The following GDF3 variants were observed in gnomAD, a reference collection of about 807,000 sequenced individuals.
GDF3 encodes the protein growth differentiation factor 3.
Under a neutral mutation model 10.2 loss-of-function variants are expected in GDF3, and 10 were observed. That is an observed-to-expected ratio of 0.98 (90% CI 0.60 to 1.66). The LOEUF (loss-of-function observed/expected upper bound fraction) is 1.66. Ranked by LOEUF, GDF3 falls within the 40% of genes most tolerant of loss-of-function variation. The pLI is 0.00. For missense variants in GDF3, 450 were observed against 438.3 expected, an observed-to-expected ratio of 1.03 and a Z score of -0.24; for synonymous variants, 166 against 178.5, an observed-to-expected ratio of 0.93 and a Z score of 0.56.
chr12:7,690,740 A>G lies in GDF3; in HGVS notation c.269-36T>C, dbSNP rs1592072689. 5.1e-6 allele frequency: 6 copies of G among 1,182,736 alleles called. No individual in the cohort carries two copies. The East Asian group carries it at 1.4e-4, about 28-fold the overall frequency. 73.3% of individuals were successfully genotyped at this position (1,182,736 alleles called of 1,614,324 possible). A position where few individuals can be genotyped will look rare whatever the true frequency, so the allele number is the denominator to read the frequency against. ...AAAGAGACATGTCAGAGTCATAATG[A>G]TGTATTTACTTCATATCCACCTATA... On this transcript the variant is annotated intron_variant, in intron 1 of 1. Coordinates refer to ENST00000329913, the MANE Select transcript of GDF3 (RefSeq NM_020634.3).
At position 7,694,569 on chromosome 12, in the gene GDF3, CAAAAAAAAAAA is replaced by C. The variant is rs57221382; in HGVS notation, c.268+881_268+891del. ...AGCCTGGGGGACAGAGCGAGACTCTCAAAAAAAAAAAAAAAAAAAAAAGGCAAACTTTATCT... is the reference window on the plus strand; with the variant it reads ...AGCCTGGGGGACAGAGCGAGACTCTCAAAAAAAAAAAGGCAAACTTTATCT... On this transcript the variant is annotated intron_variant, in intron 1 of 1. Coordinates refer to ENST00000329913, the MANE Select transcript of GDF3 (RefSeq NM_020634.3). Among the ~76,000 whole-genome samples the C allele has an allele frequency of 6.2e-5, 5 of 80,144 alleles. No homozygotes were observed. The Admixed American group carries it at 8.7e-4, about 14-fold the overall frequency. The allele number at this position is 80,144 out of a possible 152,430, so 52.6% of individuals were successfully genotyped here. A position where few individuals can be genotyped will look rare whatever the true frequency, so the allele number is the denominator to read the frequency against.
chr12:7,694,569 CAAAAAAAAAA>C (rs57221382), intron 1 of GDF3, among the ~76,000 whole-genome samples: 29 of 80,170 alleles, frequency 3.6e-4, no homozygotes, highest in Non-Finnish European at 1.3e-4. Flanking sequence ...GCGAGACTCT[CAAAAAAAAAA>C]AAAAAAAAAA....
At chr12:7,693,462 G>A (rs1185681422) in intron 1 of GDF3, among the ~76,000 whole-genome samples, 2 of 147,734 alleles carry the variant, frequency 1.4e-5, no homozygotes, top group South Asian at 2.2e-4. Context: ...GGCTGGTCTC[G>A]AACTCCTGGC....
Position 7,689,965 on chromosome 12 carries a change from G to A in GDF3, c.1008C>T (p.Pro336=). 2 of 1,613,820 alleles carry A rather than the reference G, an allele frequency of 1.2e-6. No homozygotes were observed. The highest frequency in any genetic ancestry group is 1.7e-6 in the Non-Finnish European group (2 of 1,179,738). ...TATTGTCCTGGTAGAGCATGGAAAT[G>A]GGAGACAGCTTGGTGGGGATACACA... is the stretch of plus-strand genomic sequence containing the variant. ...QAVCIPTKLS[P]ISMLYQDNND... Residue 336 remains proline (P), a synonymous_variant, in exon 2 of 2, where the codon CCC becomes CCT. Coordinates refer to ENST00000329913, the MANE Select transcript of GDF3 (RefSeq NM_020634.3).
chr12:7,692,819 T>C (rs1465548435), intron 1 of GDF3, among the ~76,000 whole-genome samples: 1 of 151,796 alleles, frequency 6.6e-6, no homozygotes, highest in East Asian at 2.0e-4. Context: ...TTTTTTTAAG[T>C]TTTTGTAGAG....
rs779286029 is a variant in GDF3, at chr12:7,694,505, C to T, written c.268+956G>A. ...AGAAGAATCACTTGAACCCAGGAAG[C>T]GGAGGTTGCAGTGAGCTGAGAAAGT... On this transcript the variant is annotated intron_variant, in intron 1 of 1. Transcript: ENST00000329913. 2.7e-3 allele frequency among the ~76,000 whole-genome samples: 363 copies of T among 132,616 alleles called. 2 individuals are homozygous for T. Among genetic ancestry groups the T allele is most frequent in the African/African-American group, 9.2e-3 (325 of 35,462 alleles). 87.0% of individuals were successfully genotyped at this position (132,616 alleles called of 152,430 possible). A position where few individuals can be genotyped will look rare whatever the true frequency, so the allele number is the denominator to read the frequency against.
Position 7,690,361 on chromosome 12 carries a change from T to C in GDF3, c.612A>G (p.Ile204Met), listed in dbSNP as rs1183339590. ...CTGAGTCTCTATCTTCTTTGACCAGTATCTCCAGGAATAACCCGAAATTTT... is the reference window on the plus strand; with the variant it reads ...CTGAGTCTCTATCTTCTTTGACCAGCATCTCCAGGAATAACCCGAAATTTT... ...PRKNFGLFLEILVKEDRDSGV... is the reference protein window; with the variant it reads ...PRKNFGLFLEMLVKEDRDSGV... The change falls in exon 2 of 2, where the codon ATA (isoleucine) becomes ATG (methionine). Residue 204 changes from isoleucine (I) to methionine (M), a missense_variant. By Grantham distance (10) the Ile-to-Met change is conservative. Transcript: ENST00000329913. The C allele has an allele frequency of 6.2e-7, 1 of 1,613,886 alleles. No individual in the cohort carries two copies. Among genetic ancestry groups the C allele is most frequent in the African/African-American group, 1.3e-5 (1 of 74,906 alleles).
chr12:7,695,514 T>A lies in GDF3; in HGVS notation c.215A>T (p.Tyr72Phe). The A allele has an allele frequency of 6.2e-7, 1 of 1,614,104 alleles. No homozygotes were observed. Among genetic ancestry groups the A allele is most frequent in the Non-Finnish European group, 8.5e-7 (1 of 1,179,972 alleles). The change falls in exon 1 of 2, where the codon TAC (tyrosine) becomes TTC (phenylalanine). Residue 72 changes from tyrosine (Y) to phenylalanine (F), a missense_variant. Transcript: ENST00000329913. ...CCCGCGGACGCCCAGCTCCTTTACG[T>A]AGCATAAGTCTCGGGAGACCCCAGT... ...ATTGVSRDLC[Y>F]VKELGVRGNV... is the part of the protein sequence containing the mutation.
chr12:7,690,116 T>C lies in GDF3; in HGVS notation c.857A>G (p.Lys286Arg). 5.0e-6 allele frequency: 8 copies of C among 1,614,104 alleles called. No individual in the cohort carries two copies. The highest frequency in any genetic ancestry group is 1.1e-5 in the South Asian group (1 of 91,076). ...ATGGCAGTAATTTGCCATGAACCCCTTGGGGGCAATGATCCACTTGTGCCA... is the reference window on the plus strand; with the variant it reads ...ATGGCAGTAATTTGCCATGAACCCCCTGGGGGCAATGATCCACTTGTGCCA... ...LGWHKWIIAPKGFMANYCHGE... is the reference protein window; with the variant it reads ...LGWHKWIIAPRGFMANYCHGE... Residue 286 changes from lysine (K) to arginine (R), a missense_variant, in exon 2 of 2, where the codon AAG (lysine) becomes AGG (arginine). Coordinates refer to ENST00000329913, the MANE Select transcript of GDF3 (RefSeq NM_020634.3).
At chr12:7,694,446 C>T (rs775453660) in intron 1 of GDF3, among the ~76,000 whole-genome samples, 6 of 150,302 alleles carry the variant, frequency 4.0e-5, no homozygotes, top group East Asian at 2.0e-4. Context: ...TGGTGACACA[C>T]GCCTGTAATC....
chr12:7,693,817 T>C (rs1864156406), intron 1 of GDF3, among the ~76,000 whole-genome samples: 1 of 151,860 alleles, frequency 6.6e-6, no homozygotes, highest in East Asian at 2.0e-4. Context: ...TGCGTGCACC[T>C]GTAGCCTGTA....
intron 1 of GDF3, among the ~76,000 whole-genome samples, chr12:7,694,496 C>T (rs1864162224): frequency 6.7e-6 from 1 of 150,342 alleles, no homozygotes; most frequent in South Asian, 2.1e-4. Context: ...ATCACTTGAA[C>T]CCAGGAAGCG....
In GDF3 at chr12:7,689,946, C is replaced by T. The variant is rs1259505995; in HGVS notation, c.1027G>A (p.Asp343Asn). The change falls in exon 2 of 2, where the codon GAC becomes AAC. Residue 343 changes from aspartate (D) to asparagine (N), a missense_variant. Coordinates refer to ENST00000329913, the MANE Select transcript of GDF3 (RefSeq NM_020634.3). ...KLSPISMLYQ[D>N]NNDNVILRHY... ...CGTAGAATGACATTGTCATTATTGTCCTGGTAGAGCATGGAAATGGGAGAC... is the reference window on the plus strand; with the variant it reads ...CGTAGAATGACATTGTCATTATTGTTCTGGTAGAGCATGGAAATGGGAGAC... 3.1e-6 allele frequency: 5 copies of T among 1,613,928 alleles called. No homozygotes were observed. Among genetic ancestry groups the T allele is most frequent in the South Asian group, 2.2e-5 (2 of 91,070 alleles).
At chr12:7,692,109 T>C (rs931764673) in intron 1 of GDF3, among the ~76,000 whole-genome samples, 6 of 152,000 alleles carry the variant, frequency 3.9e-5, no homozygotes, top group African/African-American at 1.2e-4. Context: ...TATTTTACTT[T>C]AGGCACTTAA....
intron 1 of GDF3, among the ~76,000 whole-genome samples, chr12:7,694,569 C>CA (rs57221382): frequency 0.49 from 39,206 of 80,122 alleles, 8,806 homozygotes; most frequent in Middle Eastern, 0.57. Flanking sequence ...GCGAGACTCT[C>CA]AAAAAAAAAA....
chr12:7,693,371 A>ATTT (rs71038719), intron 1 of GDF3, among the ~76,000 whole-genome samples: 10,661 of 95,692 alleles, frequency 0.11, 698 homozygotes, highest in Non-Finnish European at 0.13. Context: ...CACCTGGCTA[A>ATTT]TTTTTTTTTT....
Position 7,695,756 on chromosome 12 carries a change from G to A in GDF3, c.-28C>T, listed in dbSNP as rs1184950000. On this transcript the variant is annotated 5_prime_UTR_variant, in exon 1 of 2. Coordinates refer to ENST00000329913, the MANE Select transcript of GDF3 (RefSeq NM_020634.3). ...CCTCTGGAGTGGCTGTCAGACCGGG[G>A]AGAGCTCCACTGCCAGACTGCCCAA... is the stretch of plus-strand genomic sequence containing the variant. 3 of 1,613,514 alleles carry A rather than the reference G, an allele frequency of 1.9e-6. No individual in the cohort carries two copies. The highest frequency in any genetic ancestry group is 1.1e-5 in the South Asian group (1 of 90,964).
At chr12:7,694,464 C>G (rs1123137) in intron 1 of GDF3, among the ~76,000 whole-genome samples, 127,706 of 151,318 alleles carry the variant, frequency 0.84, 55,786 homozygotes, top group Non-Finnish European at 0.97. Flanking sequence ...ATCCCAGCTA[C>G]TTGGGAAGCT....
At position 7,690,579 on chromosome 12, in the gene GDF3, C is replaced by A; in HGVS notation, c.394G>T (p.Gly132Trp). Reference protein sequence around the residue: ...LTLAQLGLDLGPNSYYNLGPE... With the variant: ...LTLAQLGLDLWPNSYYNLGPE... ...CCCAGGTTATAGTAAGAATTGGGCC[C>A]CAAGTCCAGGCCCAGCTGGGCCAAT... The change falls in exon 2 of 2, where the codon GGG (glycine) becomes TGG (tryptophan). Residue 132 changes from glycine (G) to tryptophan (W), a missense_variant. Gly to Trp is a radical substitution (Grantham distance 184). Coordinates refer to ENST00000329913, the MANE Select transcript of GDF3 (RefSeq NM_020634.3). 1 of 1,605,094 alleles carries A rather than the reference C, an allele frequency of 6.2e-7. No homozygotes were observed. The highest frequency in any genetic ancestry group is 2.2e-5 in the East Asian group (1 of 44,766).
Sources: allele counts gnomAD v4.1 joint callset (sites outside exome capture counted in the v4.1 genomes callset), GRCh38; gene constraint gnomAD v4.1.1; transcripts MANE v1.5; gene names NCBI Gene and HGNC (gene_info 2026-07-23, HGNC 2026-07-21).